AK3: variants seen among roughly 807,000 people sequenced by gnomAD.
The protein encoded by AK3 is GTP:AMP phosphotransferase AK3, mitochondrial.
A neutral mutation model predicts 23.7 loss-of-function variants in AK3; 27 were observed. The ratio of observed to expected loss-of-function variants is 1.14; its 90% CI spans 0.84 to 1.57. The LOEUF is 1.57. Among genes scored for constraint, AK3 ranks in the 40% most tolerant of loss-of-function variants. The pLI is 0.00. For missense variants in AK3, 406 were observed against 285.6 expected, an observed-to-expected ratio of 1.42 and a Z score of -3.04; for synonymous variants, 159 against 116.0, an observed-to-expected ratio of 1.37 and a Z score of -2.38.
chr9:4,730,379 G>A (rs1456773877), intron 1 of AK3, among the ~76,000 whole-genome samples: 1 of 150,938 alleles, frequency 6.6e-6, no homozygotes, highest in African/African-American at 2.4e-5. Context: ...TAGAACAGAT[G>A]AAAAATTCCC....
At chr9:4,736,829 C>G (rs1040791426) in intron 1 of AK3, among the ~76,000 whole-genome samples, 17 of 152,166 alleles carry the variant, frequency 1.1e-4, no homozygotes, top group Non-Finnish European at 1.5e-5. Flanking sequence ...AGGCACGTGC[C>G]ACCACATCCA....
chr9:4,733,598 C>G (rs188002985), intron 1 of AK3, among the ~76,000 whole-genome samples: 260 of 152,342 alleles, frequency 1.7e-3, no homozygotes, highest in Non-Finnish European at 3.1e-3. Context: ...CACCATCACT[C>G]AATCTCTCTC....
intron 1 of AK3, among the ~76,000 whole-genome samples, chr9:4,733,980 C>A (rs1047923760): frequency 1.2e-4 from 18 of 152,334 alleles, no homozygotes; most frequent in South Asian, 8.3e-4. Context: ...AGACACATAT[C>A]ACTCCAATGA....
chr9:4,736,244 A>G (rs1417290106), intron 1 of AK3, among the ~76,000 whole-genome samples: 3 of 152,098 alleles, frequency 2.0e-5, no homozygotes, highest in African/African-American at 7.2e-5. Flanking sequence ...CAATAAAGCT[A>G]TTAGAAAAAA....
chr9:4,739,710 T>A (rs1017620659), intron 1 of AK3, among the ~76,000 whole-genome samples: 1 of 151,790 alleles, frequency 6.6e-6, no homozygotes, highest in Non-Finnish European at 1.5e-5. Context: ...GCCGGGTGGA[T>A]CACGAGGTCA....
At chr9:4,715,006 G>C (rs1342436109) in intron 4 of AK3, among the ~76,000 whole-genome samples, 1 of 152,010 alleles carries the variant, frequency 6.6e-6, no homozygotes, top group Non-Finnish European at 1.5e-5. Context: ...ATCACTTGAG[G>C]TCAGGAGTTC....
upstream of AK3, chr9:4,741,237 G>C: frequency 1.2e-6 from 1 of 849,408 alleles, no homozygotes; most frequent in Admixed American, 4.3e-5. Context: ...TGAGCCGACA[G>C]CCCCTGGGGC....
intron 4 of AK3, among the ~76,000 whole-genome samples, chr9:4,716,343 AG>A (rs1410317554): frequency 6.6e-6 from 1 of 152,246 alleles, no homozygotes; most frequent in East Asian, 1.9e-4. Flanking sequence ...CAGTGTCAAG[AG>A]AGTGAACAAT....
intron 2 of AK3, 45 bp from the exon 3 acceptor site, chr9:4,719,352 GT>G: frequency 2.7e-6 from 1 of 373,556 alleles, no homozygotes; most frequent in African/African-American, 2.8e-5. Flanking sequence ...AAGAAAGGAA[GT>G]ATGGGGTGGG....
chr9:4,737,709 G>A (rs1178131185), intron 1 of AK3, among the ~76,000 whole-genome samples: 1 of 152,052 alleles, frequency 6.6e-6, no homozygotes, highest in Non-Finnish European at 1.5e-5. Context: ...ACAGAGTGGG[G>A]ACTCTGTCTC....
At chr9:4,718,601 G>A in intron 3 of AK3, 64 bp from the exon 4 acceptor site, 1 of 1,286,330 alleles carries the variant, frequency 7.8e-7, no homozygotes, top group Non-Finnish European at 1.1e-6. Flanking sequence ...TTCATAAGCA[G>A]TTCAATTATT....
chr9:4,734,636 A>C (rs1401964406), intron 1 of AK3, among the ~76,000 whole-genome samples: 1 of 152,242 alleles, frequency 6.6e-6, no homozygotes, highest in Non-Finnish European at 1.5e-5. Context: ...GCAAAAGCCT[A>C]CTTTCTTTGA....
At chr9:4,729,718 T>A (rs534706692) in intron 1 of AK3, among the ~76,000 whole-genome samples, 9 of 151,762 alleles carry the variant, frequency 5.9e-5, no homozygotes, top group Admixed American at 3.9e-4. Context: ...TCCCAGCTAC[T>A]TGGGAGGCTC....
chr9:4,717,590 C>T lies in AK3; in HGVS notation c.563+829G>A, dbSNP rs7029742. ...ATCCCCAGCTTACAATTATTCAATG[C>T]AGGATTTTTCAGCTTTATGATGGTG... is the stretch of plus-strand genomic sequence containing the variant. On this transcript the variant is annotated intron_variant, in intron 4 of 4. Transcript: ENST00000381809. 7.1e-3 allele frequency among the ~76,000 whole-genome samples: 1,081 copies of T among 152,288 alleles called. 16 individuals carry two copies. Among genetic ancestry groups the T allele is most frequent in the Middle Eastern group, 0.031 (9 of 294 alleles).
At chr9:4,737,746 G>C (rs1842331771) in intron 1 of AK3, among the ~76,000 whole-genome samples, 1 of 152,006 alleles carries the variant, frequency 6.6e-6, no homozygotes, top group South Asian at 2.1e-4. Context: ...ATAAAAGAGA[G>C]GACTGGACTA....
At chr9:4,714,759 T>C (rs1437183348) in intron 4 of AK3, among the ~76,000 whole-genome samples, 1 of 152,216 alleles carries the variant, frequency 6.6e-6, no homozygotes, top group Non-Finnish European at 1.5e-5. Context: ...CATAGACCAG[T>C]TACTCTATAA....
intron 1 of AK3, among the ~76,000 whole-genome samples, chr9:4,723,842 T>C (rs1464554028): frequency 6.6e-6 from 1 of 152,242 alleles, no homozygotes; most frequent in Non-Finnish European, 1.5e-5. Context: ...CTTTTGCTTT[T>C]ATTTTACTCC....
At chr9:4,725,567 G>C (rs776578124) in intron 1 of AK3, among the ~76,000 whole-genome samples, 41 of 151,856 alleles carry the variant, frequency 2.7e-4, no homozygotes, top group Non-Finnish European at 5.1e-4. Context: ...TCAGGAGTTC[G>C]AGACCAGCCT....
chr9:4,737,442 C>T (rs1337511756), intron 1 of AK3, among the ~76,000 whole-genome samples: 2 of 152,192 alleles, frequency 1.3e-5, no homozygotes, highest in African/African-American at 4.8e-5. Context: ...TTCTCCTGAA[C>T]TCAGTCTCCT....
Sources: allele counts gnomAD v4.1 joint callset (sites outside exome capture counted in the v4.1 genomes callset), GRCh38; gene constraint gnomAD v4.1.1; transcripts MANE v1.5; gene names NCBI Gene and HGNC (gene_info 2026-07-23, HGNC 2026-07-21).